The following ARID4B variants were observed in gnomAD, a reference collection of about 807,000 sequenced individuals.
The protein encoded by ARID4B is AT-rich interaction domain 4B, also known as AT-rich interactive domain-containing protein 4B.
ARID4B carries 26 observed loss-of-function variants against 147.5 expected under a neutral mutation model. The ratio of observed to expected loss-of-function variants is 0.18; its 90% confidence interval spans 0.13 to 0.24. The LOEUF (loss-of-function observed/expected upper bound fraction) is 0.24. Ranked by LOEUF, ARID4B falls within the 10% of genes least tolerant of loss-of-function variation. The pLI is 1.00. For synonymous variants in ARID4B, 512 were observed against 507.9 expected (o/e 1.01, Z -0.11); for missense variants, 1,179 against 1,511.5 (o/e 0.78, Z 3.65).
intron 9 of ARID4B, among the ~76,000 whole-genome samples, chr1:235,233,140 A>T (rs1668347490): frequency 6.6e-6 from 1 of 152,024 alleles, no homozygotes; most frequent in Non-Finnish European, 1.5e-5. Flanking sequence ...CCCAGCCTAC[A>T]TACTGTTTTT....
At chr1:235,217,228 A>G (rs999316801) in intron 16 of ARID4B, among the ~76,000 whole-genome samples, 8 of 152,178 alleles carry the variant, frequency 5.3e-5, no homozygotes, top group African/African-American at 1.4e-4. Flanking sequence ...AAAAAACAAC[A>G]TAATTACTGG....
chr1:235,283,019 A>T (rs1424474124), intron 2 of ARID4B, among the ~76,000 whole-genome samples: 1 of 152,120 alleles, frequency 6.6e-6, no homozygotes, highest in African/African-American at 2.4e-5. Flanking sequence ...ATTGTGATCC[A>T]CCTGCCTTGG....
intron 12 of ARID4B, among the ~76,000 whole-genome samples, chr1:235,223,620 T>C (rs1667642223): frequency 6.6e-6 from 1 of 150,800 alleles, no homozygotes; most frequent in Non-Finnish European, 1.5e-5. Context: ...GTTACTTTTA[T>C]GGCATTTTCT....
chr1:235,265,052 C>T (rs1159020205), intron 2 of ARID4B, among the ~76,000 whole-genome samples: 1 of 129,306 alleles, frequency 7.7e-6, no homozygotes, highest in Non-Finnish European at 1.6e-5. Context: ...AAGAGTGAAA[C>T]TTCGTCTCAA....
Position 235,236,837 on chromosome 1 carries a change from T to A in ARID4B, c.586-2345A>T, listed in dbSNP as rs7523123. On this transcript the variant is annotated intron_variant, in intron 8 of 23. Transcript: ENST00000264183. ...CCACAAAACGGTTTTATAAAAAATATATATATATATATATATATATATATA... is the reference window on the plus strand; with the variant it reads ...CCACAAAACGGTTTTATAAAAAATAAATATATATATATATATATATATATA... Among the ~76,000 whole-genome samples, 613 of 27,104 alleles carry A rather than the reference T, an allele frequency of 0.023. 24 individuals carry two copies. In the East Asian group the frequency reaches 0.26, roughly 11 times the overall value. The allele number at this position is 27,104 out of a possible 152,430, so 17.8% of individuals were successfully genotyped here. A position where few individuals can be genotyped will look rare whatever the true frequency, so the allele number is the denominator to read the frequency against.
chr1:235,266,105 T>C (rs943919437), intron 2 of ARID4B, among the ~76,000 whole-genome samples: 7 of 152,314 alleles, frequency 4.6e-5, no homozygotes, highest in South Asian at 2.1e-4. Flanking sequence ...AGTAATCATG[T>C]TGAATTCCAG....
At chr1:235,261,126 C>A (rs1183083001) in intron 2 of ARID4B, among the ~76,000 whole-genome samples, 1 of 151,982 alleles carries the variant, frequency 6.6e-6, no homozygotes, top group Non-Finnish European at 1.5e-5. Context: ...AGCTCAAATT[C>A]TGGGGTGGGG....
chr1:235,169,361 C>A (rs193260695), intron 23 of ARID4B, among the ~76,000 whole-genome samples: 36 of 151,532 alleles, frequency 2.4e-4, no homozygotes, highest in African/African-American at 7.0e-4. Context: ...CTGCCTCAGC[C>A]CCCCCAGTAG....
rs548055593 is a variant in ARID4B at position 235,198,536 on chromosome 1, T to G, written c.1842-2421A>C. ...TACACATAAATAATAAAATGATGGA[T>G]GCTTGGTATGGTACAGGCTGGGGCC... is the stretch of plus-strand genomic sequence containing the variant. On this transcript the variant is annotated intron_variant, in intron 17 of 23. Coordinates refer to ENST00000264183, the MANE Select transcript of ARID4B (RefSeq NM_016374.6). 4.7e-4 allele frequency among the ~76,000 whole-genome samples: 71 copies of G among 152,322 alleles called. 1 individual carries two copies. In the South Asian group the frequency reaches 9.8e-3, roughly 21 times the overall value.
At chr1:235,213,032 A>G (rs1666808731) in intron 17 of ARID4B, among the ~76,000 whole-genome samples, 1 of 152,214 alleles carries the variant, frequency 6.6e-6, no homozygotes, top group South Asian at 2.1e-4. Context: ...AAGATAACTG[A>G]ATGAATAGAT....
chr1:235,212,169 T>G (rs1290706968), intron 17 of ARID4B, among the ~76,000 whole-genome samples: 1 of 152,048 alleles, frequency 6.6e-6, no homozygotes, highest in Non-Finnish European at 1.5e-5. Flanking sequence ...CGCTTGAGCC[T>G]GGGAGGTGGA....
chr1:235,203,169 T>C (rs1198813614), intron 17 of ARID4B, among the ~76,000 whole-genome samples: 1 of 152,230 alleles, frequency 6.6e-6, no homozygotes, highest in Non-Finnish European at 1.5e-5. Flanking sequence ...GACCACAGCA[T>C]ACTTGCTCTC....
Position 235,175,396 on chromosome 1 carries a change from TTTG to T in ARID4B, c.3449_3451del (p.Thr1150del). On this transcript the variant is annotated inframe_deletion and splice_region_variant, in exon 22 of 24. Transcript: ENST00000264183. ...TGAAAGTTCTTCACTATCACTACTATTTGCTGAAAGAGAAAGAAAAGATTTAAT... is the reference window on the plus strand; with the variant it reads ...TGAAAGTTCTTCACTATCACTACTATCTGAAAGAGAAAGAAAAGATTTAAT... 1.2e-6 allele frequency: 2 copies of T among 1,606,368 alleles called. No homozygotes were observed. Among genetic ancestry groups the T allele is most frequent in the Non-Finnish European group, 1.7e-6 (2 of 1,175,292 alleles).
chr1:235,322,793 G>A (rs1482266689), intron 2 of ARID4B, among the ~76,000 whole-genome samples: 3 of 151,994 alleles, frequency 2.0e-5, no homozygotes, highest in Admixed American at 6.6e-5. Flanking sequence ...TGAAAGGGGT[G>A]AGACAGAAGG....
At chr1:235,266,341 C>G (rs1297853246) in intron 2 of ARID4B, among the ~76,000 whole-genome samples, 3 of 152,138 alleles carry the variant, frequency 2.0e-5, no homozygotes, top group Non-Finnish European at 2.9e-5. Context: ...AAAACTCTTG[C>G]CTTTTCTTTT....
intron 8 of ARID4B, among the ~76,000 whole-genome samples, chr1:235,236,840 A>ATATATATATATATATATGTGTATATG (rs1185586057): frequency 3.4e-5 from 1 of 29,650 alleles, no homozygotes; most frequent in Non-Finnish European, 6.7e-5. Flanking sequence ...AAAAATATAT[A>ATATATATATATATATATGTGTATATG]TATATATATA....
At chr1:235,201,032 A>G (rs1270861125) in intron 17 of ARID4B, among the ~76,000 whole-genome samples, 1 of 152,016 alleles carries the variant, frequency 6.6e-6, no homozygotes, top group Non-Finnish European at 1.5e-5. Context: ...GTAGTCCCAG[A>G]TACTTGGGAG....
chr1:235,245,731 T>C (rs1193462375), intron 7 of ARID4B, among the ~76,000 whole-genome samples: 5 of 152,218 alleles, frequency 3.3e-5, no homozygotes, highest in African/African-American at 4.8e-5. Flanking sequence ...TGATGTTGAT[T>C]ATCTAGTACT....
intron 9 of ARID4B, among the ~76,000 whole-genome samples, chr1:235,234,067 A>G (rs1202400193): frequency 6.6e-6 from 1 of 152,236 alleles, no homozygotes; most frequent in Non-Finnish European, 1.5e-5. Flanking sequence ...TGACAGAGTG[A>G]GACTCCGTCT....
Sources: gnomAD v4.1 joint callset for allele counts (sites outside exome capture counted in the v4.1 genomes callset) on GRCh38, gnomAD v4.1.1 for gene constraint, MANE v1.5 for transcripts, NCBI Gene and HGNC (gene_info 2026-07-23, HGNC 2026-07-21) for gene names.